Variants in OPCML observed in about 807,000 individuals in gnomAD.
OPCML encodes the protein opioid-binding protein/cell adhesion molecule.
OPCML carries 13 observed loss-of-function variants against 37.8 expected under a neutral mutation model. The ratio of observed to expected loss-of-function variants is 0.34; its 90% CI spans 0.22 to 0.55. The LOEUF is 0.55. Ranked by LOEUF, OPCML falls within the 20% of genes least tolerant of loss-of-function variation. OPCML has a pLI of 0.91. For missense variants in OPCML, 341 were observed against 435.6 expected (o/e 0.78, Z 1.93); for synonymous variants, 176 against 168.8 (o/e 1.04, Z -0.33).
chr11:132,725,787 A>T (rs565217970), intron 2 of OPCML, among the ~76,000 whole-genome samples: 7,925 of 151,628 alleles, frequency 0.052, 444 homozygotes, highest in African/African-American at 0.14. Flanking sequence ...TCAAAAAAAA[A>T]AAAAAAAAAG....
intron 1 of OPCML, among the ~76,000 whole-genome samples, chr11:133,025,768 C>T (rs1281941266): frequency 8.0e-6 from 1 of 124,574 alleles, no homozygotes; most frequent in African/African-American, 3.1e-5. Context: ...GAGTCTCGAT[C>T]TGTCGCCCAG....
At chr11:132,839,084 C>T (rs962293829) in intron 2 of OPCML, among the ~76,000 whole-genome samples, 2 of 152,230 alleles carry the variant, frequency 1.3e-5, no homozygotes, top group Non-Finnish European at 2.9e-5. Flanking sequence ...TCCCAAACAC[C>T]GCATTTTCCT....
Position 132,972,680 on chromosome 11 carries a change from T to C in OPCML, c.62-29670A>G, listed in dbSNP as rs926255671. Among the ~76,000 whole-genome samples, 5 of 152,206 alleles carry C rather than the reference T, an allele frequency of 3.3e-5. No homozygotes were observed. In the South Asian group the frequency reaches 1.0e-3, roughly 32 times the overall value. On this transcript the variant is annotated intron_variant, in intron 1 of 7. Coordinates refer to ENST00000524381, the MANE Select transcript of OPCML (RefSeq NM_001012393.5). Reference sequence around the variant, plus strand: ...TTTCCCTCTACCCTCTTTCAGACTATTGCCACAGTAGCAATGCGCAAGGAC... The same window carrying C: ...TTTCCCTCTACCCTCTTTCAGACTACTGCCACAGTAGCAATGCGCAAGGAC...
intron 3 of OPCML, among the ~76,000 whole-genome samples, chr11:132,543,417 G>A (rs2096361761): frequency 6.6e-6 from 1 of 152,020 alleles, no homozygotes; most frequent in Admixed American, 6.6e-5. Context: ...GGAGACTGAG[G>A]CAGGAGAACT....
chr11:133,529,004 GC>G (rs981891990), intron 1 of OPCML, among the ~76,000 whole-genome samples: 1 of 152,240 alleles, frequency 6.6e-6, no homozygotes, highest in Admixed American at 6.5e-5. Context: ...CTGAGCCTTG[GC>G]TGCTGGCAAT....
At chr11:132,652,045 G>C (rs1941454271) in intron 3 of OPCML, among the ~76,000 whole-genome samples, 1 of 152,082 alleles carries the variant, frequency 6.6e-6, no homozygotes, top group Non-Finnish European at 1.5e-5. Context: ...GGCACACATA[G>C]ATCTCTGCAT....
chr11:132,805,839 T>C (rs749914718), intron 2 of OPCML, among the ~76,000 whole-genome samples: 28 of 152,136 alleles, frequency 1.8e-4, no homozygotes, highest in Non-Finnish European at 2.9e-4. Flanking sequence ...AAATGATAAA[T>C]ATGTGGGTAA....
In OPCML at chr11:133,009,762, G is replaced by T. The variant is rs139443575; in HGVS notation, c.62-66752C>A. ...TGTGCTCCTATGAGAATCTAATGCC[G>T]CCTCTGATCTGACAGGAGATGGGGC... is the stretch of plus-strand genomic sequence containing the variant. On this transcript the variant is annotated intron_variant, in intron 1 of 7. Coordinates refer to ENST00000524381, the MANE Select transcript of OPCML (RefSeq NM_001012393.5). Among the ~76,000 whole-genome samples the T allele has an allele frequency of 2.7e-4, 41 of 152,272 alleles. No individual in the cohort carries two copies. The East Asian group carries it at 7.5e-3, about 28-fold the overall frequency.
intron 2 of OPCML, among the ~76,000 whole-genome samples, chr11:132,847,623 A>G (rs1383683293): frequency 6.6e-6 from 1 of 152,224 alleles, no homozygotes; most frequent in East Asian, 1.9e-4. Flanking sequence ...GGATCTTCAC[A>G]ACAAGTTTCT....
intron 2 of OPCML, among the ~76,000 whole-genome samples, chr11:132,922,273 C>T (rs1407632994): frequency 6.6e-6 from 1 of 152,116 alleles, no homozygotes; most frequent in African/African-American, 2.4e-5. Context: ...CTAAGCATGG[C>T]TTGATTGGAT....
Position 133,177,921 on chromosome 11 carries a change from C to T in OPCML, c.62-234911G>A, listed in dbSNP as rs1214181021. ...GGCCATCTGGCCTCTTTCAAGAGGC[C>T]TCTGTTCTTTTGAACCACACTGAAT... is the stretch of plus-strand genomic sequence containing the variant. On this transcript the variant is annotated intron_variant, in intron 1 of 7. Transcript: ENST00000524381. This position sits in a 1 kb window ranked among gnomAD's most constrained non-coding sequence, Gnocchi z 5.0. 1.3e-5 allele frequency among the ~76,000 whole-genome samples: 2 copies of T among 152,184 alleles called. No homozygotes were observed. The highest frequency in any genetic ancestry group is 1.3e-4 in the Admixed American group (2 of 15,282).
chr11:133,234,487 G>A (rs893650640), intron 1 of OPCML, among the ~76,000 whole-genome samples: 3 of 152,246 alleles, frequency 2.0e-5, no homozygotes, highest in Admixed American at 6.5e-5. Flanking sequence ...AGCAAGGAAA[G>A]GCGAATGGCC....
chr11:133,487,498 T>C (rs1947554511), intron 1 of OPCML, among the ~76,000 whole-genome samples: 1 of 152,146 alleles, frequency 6.6e-6, no homozygotes, highest in African/African-American at 2.4e-5. Flanking sequence ...ACAGACTTCC[T>C]CTCAATTATG....
In OPCML at chr11:132,758,349, T is replaced by C. The variant is rs140498845; in HGVS notation, c.147-101030A>G. On this transcript the variant is annotated intron_variant, in intron 2 of 7. Transcript: ENST00000524381. ...TTTCTAATTCTGTGAAGAAAGTCAA[T>C]GGTAGCTTAAGGAGAATAGTATTGA... is the stretch of plus-strand genomic sequence containing the variant. 4.3e-3 allele frequency among the ~76,000 whole-genome samples: 659 copies of C among 152,324 alleles called. 6 individuals are homozygous for C. Among genetic ancestry groups the C allele is most frequent in the African/African-American group, 0.015 (639 of 41,570 alleles).
chr11:132,533,649 T>C (rs1174404428), intron 3 of OPCML, among the ~76,000 whole-genome samples: 1 of 152,188 alleles, frequency 6.6e-6, no homozygotes, highest in Non-Finnish European at 1.5e-5. Flanking sequence ...TAGGCCCTTC[T>C]CTAAAGCCTC....
chr11:132,658,849 T>C (rs557583532), intron 2 of OPCML, among the ~76,000 whole-genome samples: 1 of 152,218 alleles, frequency 6.6e-6, no homozygotes, highest in South Asian at 2.1e-4. Context: ...TCAGTCTACA[T>C]CTTACTCCTT....
At chr11:132,616,877 C>G (rs770751003) in intron 3 of OPCML, among the ~76,000 whole-genome samples, 2 of 152,166 alleles carry the variant, frequency 1.3e-5, no homozygotes, top group Non-Finnish European at 2.9e-5. Flanking sequence ...TTGTGTCAAC[C>G]TGAGCACCTA....
At chr11:133,458,504 GTA>G (rs201158123) in intron 1 of OPCML, among the ~76,000 whole-genome samples, 1,805 of 107,386 alleles carry the variant, frequency 0.017, 185 homozygotes, top group Non-Finnish European at 0.021. Context: ...ACGTGTGTGT[GTA>G]TATACACATA....
chr11:133,240,225 A>C (rs1940675669), intron 1 of OPCML, among the ~76,000 whole-genome samples: 1 of 151,560 alleles, frequency 6.6e-6, no homozygotes, highest in Non-Finnish European at 1.5e-5. Context: ...AAAAAAAAAA[A>C]AAAAAAAAAA....
Sources: gnomAD v4.1 joint callset for allele counts (sites outside exome capture counted in the v4.1 genomes callset) on GRCh38, gnomAD v4.1.1 for gene constraint, Gnocchi (gnomAD v3.1) non-coding constraint, MANE v1.5 for transcripts, NCBI Gene and HGNC (gene_info 2026-07-23, HGNC 2026-07-21) for gene names.